The following SCARB1 variants were observed in gnomAD, a reference collection of about 807,000 sequenced individuals.
SCARB1 encodes scavenger receptor class B member 1, also known as CD36 and LIMPII analogous 1.
SCARB1 carries 30 observed loss-of-function variants against 57.2 expected under a neutral mutation model. That is an observed-to-expected ratio of 0.52 (90% CI 0.39 to 0.71). The LOEUF (loss-of-function observed/expected upper bound fraction) is 0.71. Among genes scored for constraint, SCARB1 ranks in the 30% least tolerant of loss-of-function variants. The pLI is 0.00. For synonymous variants in SCARB1, 249 were observed against 268.3 expected (o/e 0.93, Z 0.70); for missense variants, 543 against 671.2 (o/e 0.81, Z 2.11).
At position 124,847,441 on chromosome 12, in the gene SCARB1, T is replaced by C. The variant is rs1952210302; in HGVS notation, c.126+16154A>G. Among the ~76,000 whole-genome samples the C allele has an allele frequency of 2.0e-5, 3 of 152,216 alleles. No individual in the cohort carries two copies. In the South Asian group the frequency reaches 6.2e-4, roughly 31 times the overall value. ...TCTGAGGCCTGGGCATCTGGGCTAGTGGCTGCCGGGAGGCCCAGTTAGGGA... is the reference window on the plus strand; with the variant it reads ...TCTGAGGCCTGGGCATCTGGGCTAGCGGCTGCCGGGAGGCCCAGTTAGGGA... On this transcript the variant is annotated intron_variant, in intron 1 of 12. Coordinates refer to ENST00000261693, the MANE Select transcript of SCARB1 (RefSeq NM_005505.5).
At chr12:124,804,560 A>G (rs1447001110) in intron 7 of SCARB1, among the ~76,000 whole-genome samples, 1 of 151,988 alleles carries the variant, frequency 6.6e-6, no homozygotes, top group African/African-American at 2.4e-5. Flanking sequence ...AACATCCTCA[A>G]CCTTAGGAGC....
Position 124,814,996 on chromosome 12 carries a change from C to T in SCARB1, c.403G>A (p.Val135Ile), listed in dbSNP as rs5891. The change falls in exon 3 of 13, where the codon GTC (valine) becomes ATC (isoleucine). Residue 135 changes from valine (V) to isoleucine (I), a missense_variant. Physicochemically the swap from Val to Ile is conservative, Grantham distance 29. Coordinates refer to ENST00000261693, the MANE Select transcript of SCARB1 (RefSeq NM_005505.5). The surrounding 1 kb of genome is among the most constrained non-coding windows in gnomAD (Gnocchi z 4.7). ...ACCAAGACCAGGATGTTGGGCATGA[C>T]GATGTAGTCGCTCTCCGAGCCGTGG... ...KSHGSESDYI[V>I]MPNILVLGAA... The T allele has an allele frequency of 0.012, 19,752 of 1,614,104 alleles. 244 individuals carry two copies. Among genetic ancestry groups the T allele is most frequent in the South Asian group, 0.042 (3,820 of 91,076 alleles).
At chr12:124,841,460 C>T (rs1401151820) in intron 1 of SCARB1, among the ~76,000 whole-genome samples, 8 of 144,448 alleles carry the variant, frequency 5.5e-5, no homozygotes, top group East Asian at 2.0e-4. Context: ...CCAGCCTGGG[C>T]GACAGAGAAA....
chr12:124,786,049 G>A (rs376113479), intron 11 of SCARB1: 24 of 1,509,012 alleles, frequency 1.6e-5, no homozygotes, highest in African/African-American at 1.5e-4. Flanking sequence ...TGGCATCCCC[G>A]GGTGCTGACT....
intron 1 of SCARB1, among the ~76,000 whole-genome samples, chr12:124,863,047 T>C (rs1952965922): frequency 6.6e-6 from 1 of 152,180 alleles, no homozygotes; most frequent in African/African-American, 2.4e-5. Context: ...AGAGGGTTCC[T>C]ATGGGGAGAT....
chr12:124,831,387 G>C (rs1474390749), intron 1 of SCARB1, among the ~76,000 whole-genome samples: 1 of 152,166 alleles, frequency 6.6e-6, no homozygotes. Flanking sequence ...AAAGTGCTGG[G>C]ATTACAGACG....
At chr12:124,842,378 A>G (rs1566241065) in intron 1 of SCARB1, among the ~76,000 whole-genome samples, 1 of 152,210 alleles carries the variant, frequency 6.6e-6, no homozygotes, top group African/African-American at 2.4e-5. Flanking sequence ...AAAGCTGCTC[A>G]TTCTTCCATC....
chr12:124,828,870 G>A (rs1951273169), intron 1 of SCARB1, among the ~76,000 whole-genome samples: 1 of 152,196 alleles, frequency 6.6e-6, no homozygotes. Context: ...GAGCCAAGAA[G>A]CCAATTTGCC....
intron 1 of SCARB1, among the ~76,000 whole-genome samples, chr12:124,845,927 G>A (rs1272235319): frequency 4.6e-5 from 7 of 151,744 alleles, no homozygotes; most frequent in Admixed American, 2.0e-4. Context: ...CAGAAGAATC[G>A]CTTGAACCCG....
At chr12:124,861,876 G>GCACACACACA (rs113876811) in intron 1 of SCARB1, among the ~76,000 whole-genome samples, 1 of 151,340 alleles carries the variant, frequency 6.6e-6, no homozygotes, top group Non-Finnish European at 1.5e-5. Context: ...CATGTGTGGT[G>GCACACACACA]CACACACACA....
At position 124,832,183 on chromosome 12, in the gene SCARB1, A is replaced by G. The variant is rs577972025; in HGVS notation, c.127-14476T>C. Reference sequence around the variant, plus strand: ...TAGCAGGGGACACTGGCTGTGGGATATGTGGGAACTCAGCACTATCTTCCC... The same window carrying G: ...TAGCAGGGGACACTGGCTGTGGGATGTGTGGGAACTCAGCACTATCTTCCC... On this transcript the variant is annotated intron_variant, in intron 1 of 12. Transcript: ENST00000261693. 2.6e-5 allele frequency among the ~76,000 whole-genome samples: 4 copies of G among 152,354 alleles called. No homozygotes were observed. The South Asian group carries it at 8.3e-4, about 32-fold the overall frequency.
chr12:124,790,585 TAA>T (rs1200970403), intron 9 of SCARB1, among the ~76,000 whole-genome samples: 1 of 152,164 alleles, frequency 6.6e-6, no homozygotes, highest in Non-Finnish European at 1.5e-5. Context: ...AGATAGTTTT[TAA>T]AAGTGAGCCA....
Position 124,814,146 on chromosome 12 carries a change from G to A in SCARB1, c.630+56C>T, listed in dbSNP as rs1950611373. 1.3e-6 allele frequency: 2 copies of A among 1,516,398 alleles called. No individual in the cohort carries two copies. The allele number at this position is 1,516,398 out of a possible 1,614,324, so 93.9% of individuals were successfully genotyped here. A position where few individuals can be genotyped will look rare whatever the true frequency, so the allele number is the denominator to read the frequency against. On this transcript the variant is annotated intron_variant, in intron 4 of 12. Transcript: ENST00000261693. This position sits in a 1 kb window ranked among gnomAD's most constrained non-coding sequence, Gnocchi z 4.7. ...CTGGTGACCAGTGTCCAGGCTGTGT[G>A]AGGGGAAGACAGGACACAGGCCTGA...
intron 1 of SCARB1, among the ~76,000 whole-genome samples, chr12:124,852,625 A>G (rs1952462127): frequency 6.6e-6 from 1 of 152,260 alleles, no homozygotes; most frequent in East Asian, 1.9e-4. Context: ...GTCTCCAACT[A>G]TGGAATGCAG....
chr12:124,792,421 G>A (rs944715360), intron 9 of SCARB1, among the ~76,000 whole-genome samples: 12 of 152,014 alleles, frequency 7.9e-5, no homozygotes, highest in African/African-American at 2.2e-4. Context: ...CCAGCTGCCC[G>A]CGTGAACTGT....
Position 124,807,732 on chromosome 12 carries a change from G to T in SCARB1, c.1009+29C>A, listed in dbSNP as rs771884003. 1.2e-6 allele frequency: 2 copies of T among 1,612,534 alleles called. No individual in the cohort carries two copies. Among genetic ancestry groups the T allele is most frequent in the Middle Eastern group, 1.7e-4 (1 of 5,942 alleles). On this transcript the variant is annotated intron_variant, in intron 7 of 12. Coordinates refer to ENST00000261693, the MANE Select transcript of SCARB1 (RefSeq NM_005505.5). The surrounding 1 kb of genome is among the most constrained non-coding windows in gnomAD (Gnocchi z 5.3). Reference sequence around the variant, plus strand: ...GCTGGCCCCACCCTCACACCCTCCCGCCATCCCAGCACAGGGGACGGCACG... The same window carrying T: ...GCTGGCCCCACCCTCACACCCTCCCTCCATCCCAGCACAGGGGACGGCACG...
chr12:124,793,994 G>A (rs924122774), intron 9 of SCARB1, among the ~76,000 whole-genome samples: 2 of 152,172 alleles, frequency 1.3e-5, no homozygotes, highest in Non-Finnish European at 2.9e-5. Context: ...TCCATGCTAC[G>A]ACATGGATGA....
intron 1 of SCARB1, among the ~76,000 whole-genome samples, chr12:124,850,732 ACCT>A (rs1566255592): frequency 6.6e-6 from 1 of 152,210 alleles, no homozygotes; most frequent in Non-Finnish European, 1.5e-5. Context: ...GTAAGCTACT[ACCT>A]CCTCAAGAGG....
At chr12:124,829,139 C>T (rs556617796) in intron 1 of SCARB1, among the ~76,000 whole-genome samples, 12 of 152,320 alleles carry the variant, frequency 7.9e-5, no homozygotes, top group African/African-American at 2.6e-4. Context: ...AAGAAACCCA[C>T]GCTTGTAAGT....
Sources: allele counts gnomAD v4.1 joint callset (sites outside exome capture counted in the v4.1 genomes callset), GRCh38; gene constraint gnomAD v4.1.1; non-coding constraint Gnocchi (gnomAD v3.1); transcripts MANE v1.5; gene names NCBI Gene and HGNC (gene_info 2026-07-23, HGNC 2026-07-21).